The following SLC25A53 variants were observed in gnomAD, a reference collection of about 807,000 sequenced individuals.
The protein encoded by SLC25A53 is solute carrier family 25 member 53.
Under a neutral mutation model 15.0 loss-of-function variants are expected in SLC25A53, and 5 were observed. The observed-to-expected ratio is 0.33, with a 90% CI of 0.17 to 0.70. The LOEUF (loss-of-function observed/expected upper bound fraction) is 0.70, where lower values mean the gene tolerates loss of function less well. SLC25A53 is among the 30% of genes least tolerant of loss of function. The pLI is 0.67. For missense variants in SLC25A53, 216 were observed against 241.6 expected, an observed-to-expected ratio of 0.89 and a Z score of 0.70; for synonymous variants, 95 against 100.0, an observed-to-expected ratio of 0.95 and a Z score of 0.30.
At chrX:104,142,532 G>A (rs999741158) in intron 1 of SLC25A53, among the ~76,000 whole-genome samples, 3 of 111,324 alleles carry the variant, frequency 2.7e-5, no homozygotes, top group African/African-American at 9.8e-5. Flanking sequence ...TAAACAACTC[G>A]AGATAATTGG....
chrX:104,117,917 T>C (rs1484140088), intron 1 of SLC25A53, among the ~76,000 whole-genome samples: 2 of 112,009 alleles, frequency 1.8e-5, no homozygotes, highest in Admixed American at 1.9e-4. Context: ...GCTTGGAGGT[T>C]CAAGATCATT....
intron 1 of SLC25A53, among the ~76,000 whole-genome samples, chrX:104,124,900 T>C (rs2075405963): frequency 1.1e-5 from 1 of 91,072 alleles, no homozygotes; most frequent in South Asian, 7.1e-4. Flanking sequence ...TGGAGTGCAA[T>C]GGCGTGATCT....
At chrX:104,133,042 T>C (rs1377246389) in intron 1 of SLC25A53, among the ~76,000 whole-genome samples, 1 of 112,036 alleles carries the variant, frequency 8.9e-6, no homozygotes, top group African/African-American at 3.2e-5. Flanking sequence ...AGCATGGAAT[T>C]TGAGTTTAGT....
At chrX:104,156,641 C>T (rs1362407332) in intron 1 of SLC25A53, among the ~76,000 whole-genome samples, 1 of 110,010 alleles carries the variant, frequency 9.1e-6, no homozygotes, top group Non-Finnish European at 1.9e-5. Flanking sequence ...CTGTCCCCAG[C>T]TAAAAATAAT....
intron 1 of SLC25A53, among the ~76,000 whole-genome samples, chrX:104,116,488 T>C (rs915212508): frequency 2.7e-5 from 3 of 109,882 alleles, no homozygotes; most frequent in Non-Finnish European, 5.7e-5. Flanking sequence ...CAGAGCTATG[T>C]AGGTGGAGGA....
At position 104,104,480 on chromosome X, in the gene SLC25A53, T is replaced by C. The variant is rs374715265; in HGVS notation, c.778A>G (p.Asn260Asp). The C allele has an allele frequency of 2.3e-5, 28 of 1,210,175 alleles. No homozygotes were observed. Among genetic ancestry groups the C allele is most frequent in the Admixed American group, 1.5e-4 (7 of 45,871 alleles). The change falls in exon 2 of 2, where the codon AAC becomes GAC. Residue 260 changes from asparagine (N) to aspartate (D), a missense_variant. Transcript: ENST00000594199. The stretch of plus-strand genomic sequence containing the variant: ...AGGAGCAGCTTTCGGCCCCGAGTGT[T>C]CCATACATCCTGGGCAGAGGCCCAC... The part of the protein sequence containing the change: ...SLWASAQDVW[N>D]TRGRKLLLIY...
intron 1 of SLC25A53, among the ~76,000 whole-genome samples, chrX:104,153,262 ATT>A (rs199783059): frequency 2.0e-4 from 17 of 83,320 alleles, no homozygotes; most frequent in South Asian, 1.4e-3. Context: ...ATATATATAT[ATT>A]TTTTTTTTCT....
chrX:104,104,879 C>T lies in SLC25A53; in HGVS notation c.379G>A (p.Val127Met), dbSNP rs376589861. Reference protein sequence around the residue: ...RWAAGLMSGVVEAVALSPFER... With the variant: ...RWAAGLMSGVMEAVALSPFER... ...AAGGGGCTGAGTGCCACGGCCTCCA[C>T]CACGCCAGACATGAGCCCGGCAGCC... The change falls in exon 2 of 2, where the codon GTG becomes ATG. Residue 127 changes from valine to methionine, a missense_variant. Val to Met is a conservative substitution (Grantham distance 21). Transcript: ENST00000594199. The T allele has an allele frequency of 9.1e-6, 11 of 1,210,116 alleles. No homozygotes were observed. The highest frequency in any genetic ancestry group is 8.7e-5 in the African/African-American group (5 of 57,144).
At chrX:104,121,059 T>G (rs2075391507) in intron 1 of SLC25A53, among the ~76,000 whole-genome samples, 1 of 112,248 alleles carries the variant, frequency 8.9e-6, no homozygotes, top group South Asian at 3.7e-4. Flanking sequence ...CTGGATTCAA[T>G]TTGCTAATAT....
intron 1 of SLC25A53, among the ~76,000 whole-genome samples, chrX:104,111,112 A>T (rs190195106): frequency 7.1e-5 from 8 of 112,248 alleles, no homozygotes; most frequent in African/African-American, 2.6e-4. Context: ...TTTACTTATA[A>T]CCTTCAGCAT....
intron 1 of SLC25A53, among the ~76,000 whole-genome samples, chrX:104,120,236 G>C (rs1034930939): frequency 6.3e-5 from 7 of 111,458 alleles, no homozygotes; most frequent in Non-Finnish European, 1.3e-4. Context: ...ATGTAGGAGA[G>C]GAATTGCTGG....
chrX:104,125,510 C>G (rs2075408561), intron 1 of SLC25A53, among the ~76,000 whole-genome samples: 1 of 111,706 alleles, frequency 9.0e-6, no homozygotes, highest in African/African-American at 3.3e-5. Flanking sequence ...TTATGGTACC[C>G]CTACTGTGTC....
chrX:104,115,499 G>A (rs2075373571), intron 1 of SLC25A53: 1 of 432,458 alleles, frequency 2.3e-6, no homozygotes, highest in South Asian at 5.3e-5. Flanking sequence ...TGTGACCTCT[G>A]TCCCTGCTCT....
chrX:104,127,963 C>T (rs1434594303), intron 1 of SLC25A53, among the ~76,000 whole-genome samples: 1 of 105,657 alleles, frequency 9.5e-6, no homozygotes, highest in Non-Finnish European at 1.9e-5. Context: ...GACTCTGTCT[C>T]AAAAAAAACA....
chrX:104,142,712 G>C (rs2075454250), intron 1 of SLC25A53, among the ~76,000 whole-genome samples: 1 of 108,302 alleles, frequency 9.2e-6, no homozygotes, highest in African/African-American at 3.4e-5. Context: ...TCAGGAGATG[G>C]AGACCATCCT....
At chrX:104,118,633 A>G (rs1212496645) in intron 1 of SLC25A53, among the ~76,000 whole-genome samples, 3 of 112,664 alleles carry the variant, frequency 2.7e-5, no homozygotes, top group Non-Finnish European at 3.7e-5. Context: ...TCAGATGATG[A>G]AACAGGCTGG....
chrX:104,153,282 A>G (rs1418965189), intron 1 of SLC25A53, among the ~76,000 whole-genome samples: 1 of 109,151 alleles, frequency 9.2e-6, no homozygotes, highest in Non-Finnish European at 1.9e-5. Flanking sequence ...TCTCATATGG[A>G]AAACAAAATG....
At chrX:104,156,368 T>C (rs1314441380) in intron 1 of SLC25A53, among the ~76,000 whole-genome samples, 1 of 111,424 alleles carries the variant, frequency 9.0e-6, no homozygotes, top group African/African-American at 3.3e-5. Flanking sequence ...CGGCAGGCTG[T>C]AAATGTCGAG....
intron 1 of SLC25A53, among the ~76,000 whole-genome samples, chrX:104,131,890 G>A (rs1037949249): frequency 9.0e-6 from 1 of 111,386 alleles, no homozygotes; most frequent in African/African-American, 3.3e-5. Context: ...AGCTTAATTC[G>A]TCTTCCTTAC....
Sources: allele counts gnomAD v4.1 joint callset (sites outside exome capture counted in the v4.1 genomes callset), GRCh38; gene constraint gnomAD v4.1.1; transcripts MANE v1.5; gene names NCBI Gene and HGNC (gene_info 2026-07-23, HGNC 2026-07-21).